Variants in COL27A1 observed in about 807,000 individuals in gnomAD.
The protein encoded by COL27A1 is collagen type XXVII alpha 1 chain, also known as collagen alpha-1(XXVII) chain.
A neutral mutation model predicts 251.3 loss-of-function variants in COL27A1; 106 were observed. The ratio of observed to expected loss-of-function variants is 0.42; its 90% confidence interval spans 0.36 to 0.50. The LOEUF (loss-of-function observed/expected upper bound fraction) is 0.50, where lower values mean the gene tolerates loss of function less well. Ranked by LOEUF, COL27A1 falls within the 20% of genes least tolerant of loss-of-function variation. COL27A1 has a pLI of 0.00. For missense variants in COL27A1, 2,325 were observed against 2,522.8 expected, an observed-to-expected ratio of 0.92 and a Z score of 1.68; for synonymous variants, 1,000 against 986.3, an observed-to-expected ratio of 1.01 and a Z score of -0.26.
intron 13 of COL27A1, among the ~76,000 whole-genome samples, chr9:114,221,518 C>T (rs1238588979): frequency 6.6e-6 from 1 of 152,146 alleles, no homozygotes; most frequent in Non-Finnish European, 1.5e-5. Context: ...TGTCTAGAGC[C>T]CTGGAGTTTT....
chr9:114,277,165 G>A (rs1835561797), intron 37 of COL27A1, among the ~76,000 whole-genome samples: 1 of 152,130 alleles, frequency 6.6e-6, no homozygotes, highest in Admixed American at 6.5e-5. Flanking sequence ...TGACTTGGTA[G>A]TGGGGGGCAG....
At chr9:114,173,484 C>T (rs7023208) in intron 3 of COL27A1, among the ~76,000 whole-genome samples, 28 of 150,110 alleles carry the variant, frequency 1.9e-4, no homozygotes, top group African/African-American at 5.1e-5. Context: ...AGAACATAGG[C>T]TTTGGATTTG....
intron 27 of COL27A1, among the ~76,000 whole-genome samples, chr9:114,258,162 G>T (rs1834068576): frequency 6.6e-6 from 1 of 152,216 alleles, no homozygotes; most frequent in Admixed American, 6.5e-5. Context: ...AGGCCACAGA[G>T]CGAGATCCTC....
At chr9:114,289,767 C>T (rs530988910) in intron 45 of COL27A1, among the ~76,000 whole-genome samples, 132 of 152,202 alleles carry the variant, frequency 8.7e-4, no homozygotes, top group African/African-American at 3.0e-3. Flanking sequence ...CTGCCTGCCT[C>T]GGTGATACCT....
chr9:114,169,002 C>T lies in COL27A1; in HGVS notation c.1447C>T (p.Pro483Ser). Residue 483 changes from proline (P) to serine (S), a missense_variant, in exon 3 of 61, where the codon CCA becomes TCA. By Grantham distance (74) the Pro-to-Ser change is moderately conservative (BLOSUM62 -1). Coordinates refer to ENST00000356083, the MANE Select transcript of COL27A1 (RefSeq NM_032888.4). Reference sequence around the variant, plus strand: ...CCGCACCAGCACCCACAAACCTCCCCCATTTACTGCTTTATCCTCATCTCC... The same window carrying T: ...CCGCACCAGCACCCACAAACCTCCCTCATTTACTGCTTTATCCTCATCTCC... The part of the protein sequence containing the change: ...SARTSTHKPP[P>S]FTALSSSPAP... 1 of 1,614,182 alleles carries T rather than the reference C, an allele frequency of 6.2e-7. No individual in the cohort carries two copies. Among genetic ancestry groups the T allele is most frequent in the Admixed American group, 1.7e-5 (1 of 60,036 alleles).
intron 55 of COL27A1, 108 bp from the exon 56 acceptor site, chr9:114,301,974 G>T: frequency 8.6e-7 from 1 of 1,163,636 alleles, no homozygotes; most frequent in Non-Finnish European, 1.3e-6. Context: ...GCAGAGGCCA[G>T]CTTGGCAGGT....
Position 114,240,831 on chromosome 9 carries a change from C to T in COL27A1, c.2835+344C>T, listed in dbSNP as rs1010528510. 2.0e-5 allele frequency among the ~76,000 whole-genome samples: 3 copies of T among 152,218 alleles called. No individual in the cohort carries two copies. The South Asian group carries it at 6.2e-4, about 32-fold the overall frequency. On this transcript the variant is annotated intron_variant, in intron 21 of 60. Transcript: ENST00000356083. Reference sequence around the variant, plus strand: ...TTAATGAGGGAGTAGGAAGTGTCAGCCCCATTTTACAGATGAGGCCACTGA... The same window carrying T: ...TTAATGAGGGAGTAGGAAGTGTCAGTCCCATTTTACAGATGAGGCCACTGA...
chr9:114,187,023 C>G (rs1055064926), intron 5 of COL27A1, among the ~76,000 whole-genome samples: 37 of 152,222 alleles, frequency 2.4e-4, no homozygotes, highest in African/African-American at 8.7e-4. Context: ...TGTCTCTGGT[C>G]TGGTCCACTT....
intron 2 of COL27A1, among the ~76,000 whole-genome samples, chr9:114,164,998 C>T (rs1848728929): frequency 6.6e-6 from 1 of 152,190 alleles, no homozygotes; most frequent in Non-Finnish European, 1.5e-5. Flanking sequence ...TTTCTCTTGT[C>T]TTACAGGCAG....
At chr9:114,269,213 G>T (rs374371442) in intron 34 of COL27A1, 28 bp from the exon 35 acceptor site, 2 of 1,564,026 alleles carry the variant, frequency 1.3e-6, no homozygotes, top group Non-Finnish European at 1.7e-6. Context: ...CTACCCACCC[G>T]CAAGGACTTT....
chr9:114,292,677 G>A (rs920577321), intron 49 of COL27A1, among the ~76,000 whole-genome samples: 10 of 152,224 alleles, frequency 6.6e-5, no homozygotes, highest in Non-Finnish European at 1.5e-4. Flanking sequence ...GAAAAAGCAA[G>A]ACCCAACTAC....
Position 114,309,249 on chromosome 9 carries a change from C to T in COL27A1, c.5218-11C>T, listed in dbSNP as rs1225831545. 3 of 1,613,576 alleles carry T rather than the reference C, an allele frequency of 1.9e-6. No homozygotes were observed. The highest frequency in any genetic ancestry group is 2.5e-6 in the Non-Finnish European group (3 of 1,179,618). The stretch of plus-strand genomic sequence containing the variant: ...CAGCCTGAGCCGCTCACTGCCGTTG[C>T]TTCTCTATAGGTCGAGTTTGCCATC... On this transcript the variant is annotated splice_polypyrimidine_tract_variant and intron_variant, in intron 59 of 60. Coordinates refer to ENST00000356083, the MANE Select transcript of COL27A1 (RefSeq NM_032888.4).
At chr9:114,167,539 A>G (rs1157866502) in intron 2 of COL27A1, 150 bp from the exon 3 acceptor site, 9 of 690,662 alleles carry the variant, frequency 1.3e-5, no homozygotes, top group African/African-American at 5.3e-5. Context: ...AGCCACCACC[A>G]TGGGGCGGTG....
At chr9:114,173,065 A>G (rs1849431164) in intron 3 of COL27A1, among the ~76,000 whole-genome samples, 1 of 152,248 alleles carries the variant, frequency 6.6e-6, no homozygotes, top group South Asian at 2.1e-4. Context: ...CAGGCCTGCC[A>G]GGAGTTGTAG....
At chr9:114,229,242 G>A (rs915756206) in intron 14 of COL27A1, among the ~76,000 whole-genome samples, 2 of 152,238 alleles carry the variant, frequency 1.3e-5, no homozygotes, top group African/African-American at 2.4e-5. Flanking sequence ...CACAGGTCAG[G>A]ATGGGCCAAG....
intron 2 of COL27A1, among the ~76,000 whole-genome samples, chr9:114,164,598 C>G (rs888947007): frequency 4.6e-5 from 7 of 152,182 alleles, no homozygotes; most frequent in African/African-American, 1.7e-4. Flanking sequence ...TGTGAGCAGG[C>G]CTGAGGGGCC....
chr9:114,220,062 A>G (rs1830972665), intron 13 of COL27A1, among the ~76,000 whole-genome samples: 1 of 152,064 alleles, frequency 6.6e-6, no homozygotes, highest in African/African-American at 2.4e-5. Flanking sequence ...TCCCCAGCCC[A>G]CTGAGCCCCT....
intron 27 of COL27A1, among the ~76,000 whole-genome samples, chr9:114,253,392 GAA>G (rs902105226): frequency 6.1e-5 from 6 of 98,652 alleles, no homozygotes; most frequent in African/African-American, 1.4e-4. Flanking sequence ...AAAGAAAAAA[GAA>G]AGAGGAAAAA....
At position 114,190,098 on chromosome 9, in the gene COL27A1, AGC is replaced by A. The variant is rs533202610; in HGVS notation, c.2017-4305_2017-4304del. ...AATTCAGAGACAGTTCTGGGGCAGGAGCCAGATTTGACCCATTCCTATCCCTA... is the reference window on the plus strand; with the variant it reads ...AATTCAGAGACAGTTCTGGGGCAGGACAGATTTGACCCATTCCTATCCCTA... On this transcript the variant is annotated intron_variant, in intron 5 of 60. Transcript: ENST00000356083. 2.0e-4 allele frequency among the ~76,000 whole-genome samples: 31 copies of A among 152,342 alleles called. No individual in the cohort carries two copies. In the South Asian group the frequency reaches 6.2e-3, roughly 31 times the overall value.
Sources: gnomAD v4.1 joint callset for allele counts (sites outside exome capture counted in the v4.1 genomes callset) on GRCh38, gnomAD v4.1.1 for gene constraint, MANE v1.5 for transcripts, NCBI Gene and HGNC (gene_info 2026-07-23, HGNC 2026-07-21) for gene names.